The following SKAP2 variants were observed in gnomAD, a reference collection of about 807,000 sequenced individuals.
SKAP2 encodes the protein src kinase-associated phosphoprotein 2.
SKAP2 carries 28 observed loss-of-function variants against 54.9 expected under a neutral mutation model. The observed-to-expected ratio is 0.51, with a 90% CI of 0.38 to 0.70. The LOEUF (loss-of-function observed/expected upper bound fraction) is 0.70. Among genes scored for constraint, SKAP2 ranks in the 30% least tolerant of loss-of-function variants. SKAP2 has a pLI of 0.00. For synonymous variants in SKAP2, 137 were observed against 134.3 expected (o/e 1.02, Z -0.14); for missense variants, 356 against 424.1 (o/e 0.84, Z 1.41).
At chr7:26,692,095 A>T (rs1424959205) in intron 9 of SKAP2, among the ~76,000 whole-genome samples, 3 of 152,048 alleles carry the variant, frequency 2.0e-5, no homozygotes, top group African/African-American at 7.3e-5. Flanking sequence ...AGGGGAAGGA[A>T]GTCCTGAACT....
chr7:26,710,612 G>C lies in SKAP2; in HGVS notation c.796+14816C>G, dbSNP rs1787279451. 4.6e-5 allele frequency among the ~76,000 whole-genome samples: 7 copies of C among 152,302 alleles called. No homozygotes were observed. The South Asian group carries it at 1.5e-3, about 32-fold the overall frequency. On this transcript the variant is annotated intron_variant, in intron 9 of 12. Transcript: ENST00000345317. Reference sequence around the variant, plus strand: ...AAGTCAGCTTGTTAAAATTGGAGAAGTGTTGCATTATAGCAGTGATTAGGC... The same window carrying C: ...AAGTCAGCTTGTTAAAATTGGAGAACTGTTGCATTATAGCAGTGATTAGGC...
At chr7:26,853,668 C>G (rs1192228495) in intron 3 of SKAP2, among the ~76,000 whole-genome samples, 1 of 152,066 alleles carries the variant, frequency 6.6e-6, no homozygotes, top group Admixed American at 6.5e-5. Context: ...ATTGTTTGTT[C>G]TCAAACAAAA....
chr7:26,826,210 A>T lies in SKAP2; in HGVS notation c.307+17820T>A, dbSNP rs1023591798. On this transcript the variant is annotated intron_variant, in intron 4 of 12. Coordinates refer to ENST00000345317, the MANE Select transcript of SKAP2 (RefSeq NM_003930.5). ...GGATTCCTGCTGCAATTCTTGAGAG[A>T]TCTCTATTTCAATGGGGTTGCTAAC... 4.6e-5 allele frequency among the ~76,000 whole-genome samples: 7 copies of T among 152,130 alleles called. No homozygotes were observed. In the East Asian group the frequency reaches 1.3e-3, roughly 29 times the overall value.
chr7:26,861,623 T>C (rs1785273354), intron 1 of SKAP2, among the ~76,000 whole-genome samples: 1 of 147,838 alleles, frequency 6.8e-6, no homozygotes, highest in Non-Finnish European at 1.5e-5. Context: ...CTCTTTTTTT[T>C]TTTTTTTTTT....
At chr7:26,834,865 T>A (rs1430934838) in intron 4 of SKAP2, among the ~76,000 whole-genome samples, 1 of 152,152 alleles carries the variant, frequency 6.6e-6, no homozygotes, top group Non-Finnish European at 1.5e-5. Context: ...ATCATCCTGA[T>A]ACCAAAACCT....
intron 4 of SKAP2, among the ~76,000 whole-genome samples, chr7:26,823,083 T>C (rs1349226999): frequency 1.3e-5 from 2 of 151,786 alleles, no homozygotes; most frequent in South Asian, 2.1e-4. Flanking sequence ...GAAAAGTCCT[T>C]GAAGGAAAAC....
chr7:26,824,188 C>A (rs557330627), intron 4 of SKAP2, among the ~76,000 whole-genome samples: 3 of 152,228 alleles, frequency 2.0e-5, no homozygotes, highest in African/African-American at 7.2e-5. Flanking sequence ...CACATTGAGA[C>A]GAGACCCTCG....
chr7:26,665,373 G>A (rs1786088121), downstream of SKAP2, among the ~76,000 whole-genome samples: 1 of 151,856 alleles, frequency 6.6e-6, no homozygotes, highest in African/African-American at 2.4e-5. Flanking sequence ...ACTCAATTCT[G>A]TTATAACAAT....
chr7:26,813,479 A>G (rs1784200272), intron 4 of SKAP2, among the ~76,000 whole-genome samples: 1 of 152,228 alleles, frequency 6.6e-6, no homozygotes, highest in Admixed American at 6.5e-5. Flanking sequence ...ATAAAGTATT[A>G]TTCTACCACC....
chr7:26,860,164 G>A (rs1326297847), intron 1 of SKAP2, among the ~76,000 whole-genome samples: 1 of 152,102 alleles, frequency 6.6e-6, no homozygotes, highest in Non-Finnish European at 1.5e-5. Context: ...GGATTGGGTA[G>A]CTATAAAAAC....
intron 9 of SKAP2, among the ~76,000 whole-genome samples, chr7:26,707,793 G>T (rs1169522048): frequency 6.6e-6 from 1 of 152,118 alleles, no homozygotes; most frequent in Non-Finnish European, 1.5e-5. Flanking sequence ...GGAGGTCATG[G>T]GGCTTCCTGT....
intron 4 of SKAP2, among the ~76,000 whole-genome samples, chr7:26,791,118 G>A (rs898339092): frequency 6.6e-6 from 1 of 152,088 alleles, no homozygotes; most frequent in Admixed American, 6.5e-5. Flanking sequence ...CGCTCCAAGA[G>A]GTGAGGAGAC....
At chr7:26,757,086 G>A (rs561419518) in intron 4 of SKAP2, among the ~76,000 whole-genome samples, 16 of 152,272 alleles carry the variant, frequency 1.1e-4, no homozygotes, top group African/African-American at 3.6e-4. Flanking sequence ...TTTGTCGGAT[G>A]AGCAGATTGC....
intron 4 of SKAP2, among the ~76,000 whole-genome samples, chr7:26,787,895 G>A (rs528231135): frequency 4.6e-5 from 7 of 151,828 alleles, no homozygotes; most frequent in Non-Finnish European, 8.8e-5. Flanking sequence ...TCGCTCTGTC[G>A]CCCAGACTGG....
intron 1 of SKAP2, among the ~76,000 whole-genome samples, chr7:26,856,972 GA>G (rs76065541): frequency 0.046 from 4,587 of 99,592 alleles, 112 homozygotes; most frequent in Non-Finnish European, 0.06. Context: ...TAAAAATTCA[GA>G]AAAAAAAAAA....
At chr7:26,736,127 C>T (rs1316342746) in intron 6 of SKAP2, among the ~76,000 whole-genome samples, 1 of 152,146 alleles carries the variant, frequency 6.6e-6, no homozygotes, top group East Asian at 1.9e-4. Flanking sequence ...TGAATAGGGG[C>T]TGAGTAAAAT....
At chr7:26,770,157 G>A (rs148024762) in intron 4 of SKAP2, among the ~76,000 whole-genome samples, 45 of 152,318 alleles carry the variant, frequency 3.0e-4, no homozygotes, top group Non-Finnish European at 5.7e-4. Flanking sequence ...CCTGCCCAGA[G>A]AGGAGGAATC....
intron 9 of SKAP2, among the ~76,000 whole-genome samples, chr7:26,723,798 G>A (rs1181798105): frequency 2.6e-5 from 4 of 151,900 alleles, no homozygotes; most frequent in South Asian, 2.1e-4. Context: ...CACATTCATT[G>A]CAGGGTTTTA....
downstream of SKAP2, among the ~76,000 whole-genome samples, chr7:26,666,512 C>T (rs920677968): frequency 3.3e-5 from 5 of 152,110 alleles, no homozygotes; most frequent in East Asian, 9.6e-4. Flanking sequence ...AATGGATGCC[C>T]TACTCTTTGT....
Sources: allele counts gnomAD v4.1 joint callset (sites outside exome capture counted in the v4.1 genomes callset), GRCh38; gene constraint gnomAD v4.1.1; transcripts MANE v1.5; gene names NCBI Gene and HGNC (gene_info 2026-07-23, HGNC 2026-07-21).